The following AKT3 variants were observed in gnomAD, a reference collection of about 807,000 sequenced individuals.
AKT3 encodes AKT serine/threonine kinase 3, also known as RAC-gamma serine/threonine-protein kinase.
Under a neutral mutation model 65.3 loss-of-function variants are expected in AKT3, and 15 were observed. That is an observed-to-expected ratio of 0.23 (90% CI 0.15 to 0.35). AKT3 has a LOEUF of 0.35. Among genes scored for constraint, AKT3 ranks in the 10% least tolerant of loss-of-function variants. The pLI is 1.00. For synonymous variants in AKT3, 206 were observed against 183.8 expected (o/e 1.12, Z -0.98); for missense variants, 243 against 576.5 (o/e 0.42, Z 5.92).
At position 243,699,465 on chromosome 1, in the gene AKT3, CTATATATATATA is replaced by C. The variant is rs58911364; in HGVS notation, c.47-3761_47-3750del. Among the ~76,000 whole-genome samples, 423 of 103,598 alleles carry C rather than the reference CTATATATATATA, an allele frequency of 4.1e-3. 7 individuals carry two copies. Among genetic ancestry groups the C allele is most frequent in the Middle Eastern group, 0.015 (3 of 200 alleles). The allele number at this position is 103,598 out of a possible 152,430, so 68.0% of individuals were successfully genotyped here. A position where few individuals can be genotyped will look rare whatever the true frequency, so the allele number is the denominator to read the frequency against. On this transcript the variant is annotated intron_variant, in intron 2 of 13. Coordinates refer to ENST00000673466, the MANE Select transcript of AKT3 (RefSeq NM_005465.7). The stretch of plus-strand genomic sequence containing the variant: ...AAGACTTCCAACCCAACCTCTTCCA[CTATATATATATA>C]TATATATATATATATATATATATAT...
At chr1:243,515,955 C>T (rs1008328121) in intron 12 of AKT3, among the ~76,000 whole-genome samples, 5 of 148,892 alleles carry the variant, frequency 3.4e-5, no homozygotes, top group East Asian at 2.0e-4. Context: ...CCAGCCTGGG[C>T]GACGGAGCAA....
chr1:243,749,051 C>T (rs2148202389), intron 2 of AKT3, among the ~76,000 whole-genome samples: 1 of 152,204 alleles, frequency 6.6e-6, no homozygotes, highest in Non-Finnish European at 1.5e-5. Flanking sequence ...CCTTCCTTTT[C>T]CTTACCACTT....
downstream of AKT3, chr1:243,499,643 T>C (rs961620236): frequency 1.4e-5 from 12 of 875,514 alleles, no homozygotes; most frequent in Admixed American, 7.8e-5. Flanking sequence ...GCAACAGGTT[T>C]TTTTCTCCAA....
intron 2 of AKT3, among the ~76,000 whole-genome samples, chr1:243,779,236 A>T (rs1160283571): frequency 6.6e-6 from 1 of 152,166 alleles, no homozygotes; most frequent in Non-Finnish European, 1.5e-5. Context: ...AACATTCCTA[A>T]GTTTACCTAT....
At chr1:243,549,513 C>T (rs148031825) in intron 11 of AKT3, among the ~76,000 whole-genome samples, 180 of 152,258 alleles carry the variant, frequency 1.2e-3, no homozygotes, top group African/African-American at 2.4e-3. Flanking sequence ...ACTGCAGTCT[C>T]GACCTCCTGG....
intron 4 of AKT3, among the ~76,000 whole-genome samples, 156 bp downstream of exon 4, chr1:243,664,616 C>A (rs1682642169): frequency 6.6e-6 from 1 of 152,002 alleles, no homozygotes; most frequent in South Asian, 2.1e-4. Flanking sequence ...TTGTAAGCCA[C>A]TGTTATTCAT....
intron 2 of AKT3, among the ~76,000 whole-genome samples, chr1:243,773,339 G>A (rs976721992): frequency 6.6e-6 from 1 of 151,910 alleles, no homozygotes; most frequent in Admixed American, 6.6e-5. Context: ...AGAGTAAAAT[G>A]ACTATGAAAT....
intron 8 of AKT3, among the ~76,000 whole-genome samples, chr1:243,586,040 C>G (rs1291105462): frequency 6.6e-6 from 1 of 152,044 alleles, no homozygotes; most frequent in Non-Finnish European, 1.5e-5. Flanking sequence ...AAGCTAAACA[C>G]AAGTAACCCA....
chr1:243,630,095 A>G (rs1407814264), intron 6 of AKT3, among the ~76,000 whole-genome samples: 2 of 152,210 alleles, frequency 1.3e-5, no homozygotes, highest in African/African-American at 4.8e-5. Flanking sequence ...TGCATACCCA[A>G]TGGTAGATAC....
At chr1:243,541,001 T>C (rs1456752250) in intron 12 of AKT3, among the ~76,000 whole-genome samples, 2 of 152,150 alleles carry the variant, frequency 1.3e-5, no homozygotes, top group African/African-American at 2.4e-5. Flanking sequence ...CCGTGATCAC[T>C]TGGTTAAAAC....
At chr1:243,592,336 A>G (rs1676293535) in intron 8 of AKT3, among the ~76,000 whole-genome samples, 1 of 149,206 alleles carries the variant, frequency 6.7e-6, no homozygotes, top group Admixed American at 6.7e-5. Context: ...CTCCGTCTCA[A>G]AAAAAAAAAA....
chr1:243,791,150 G>C (rs1279341816), intron 2 of AKT3, among the ~76,000 whole-genome samples: 1 of 152,012 alleles, frequency 6.6e-6, no homozygotes, highest in Non-Finnish European at 1.5e-5. Flanking sequence ...AAACAAGCTA[G>C]GCCTGTACTT....
At chr1:243,579,926 T>A (rs1162151559) in intron 8 of AKT3, among the ~76,000 whole-genome samples, 1 of 152,194 alleles carries the variant, frequency 6.6e-6, no homozygotes, top group African/African-American at 2.4e-5. Context: ...AAAATTTATA[T>A]GTATTAGTCC....
chr1:243,637,069 CTGAG>C (rs1200948881), intron 6 of AKT3, among the ~76,000 whole-genome samples: 1 of 152,078 alleles, frequency 6.6e-6, no homozygotes, highest in African/African-American at 2.4e-5. Context: ...GTTCAGAACT[CTGAG>C]TGAGAACTGA....
At chr1:243,577,193 C>A (rs1675003776) in intron 8 of AKT3, among the ~76,000 whole-genome samples, 1 of 152,198 alleles carries the variant, frequency 6.6e-6, no homozygotes, top group Non-Finnish European at 1.5e-5. Context: ...GTCACCCAGG[C>A]TGGAGTGCAG....
intron 8 of AKT3, among the ~76,000 whole-genome samples, chr1:243,592,553 A>G (rs1676313149): frequency 6.6e-6 from 1 of 152,188 alleles, no homozygotes; most frequent in Admixed American, 6.5e-5. Context: ...GTACAGTGAC[A>G]TTTTTATAGT....
At chr1:243,811,259 G>A (rs1693128338) in intron 2 of AKT3, among the ~76,000 whole-genome samples, 1 of 152,158 alleles carries the variant, frequency 6.6e-6, no homozygotes, top group African/African-American at 2.4e-5. Flanking sequence ...TGACATGATT[G>A]TATATCTAGA....
At chr1:243,685,014 G>A (rs923596278) in intron 3 of AKT3, among the ~76,000 whole-genome samples, 1 of 151,936 alleles carries the variant, frequency 6.6e-6, no homozygotes, top group Admixed American at 6.6e-5. Flanking sequence ...CTTTTTTCCT[G>A]TAGATTTGTT....
chr1:243,574,603 GA>G (rs1674803573), intron 8 of AKT3, among the ~76,000 whole-genome samples: 1 of 151,982 alleles, frequency 6.6e-6, no homozygotes, highest in South Asian at 2.1e-4. Context: ...TACAGTATGT[GA>G]AAAATCAAGT....
Sources: gnomAD v4.1 joint callset for allele counts (sites outside exome capture counted in the v4.1 genomes callset) on GRCh38, gnomAD v4.1.1 for gene constraint, MANE v1.5 for transcripts, NCBI Gene and HGNC (gene_info 2026-07-23, HGNC 2026-07-21) for gene names.